PAAF1: variants seen among roughly 807,000 people sequenced by gnomAD.
PAAF1 encodes proteasomal ATPase-associated factor 1.
Under a neutral mutation model 52.8 loss-of-function variants are expected in PAAF1, and 46 were observed. That is an observed-to-expected ratio of 0.87 (90% CI 0.69 to 1.11). The LOEUF (loss-of-function observed/expected upper bound fraction) is 1.11, where lower values mean the gene tolerates loss of function less well. Ranked by LOEUF, PAAF1 falls within the 50% of genes most tolerant of loss-of-function variation. PAAF1 has a pLI of 0.00. For synonymous variants in PAAF1, 178 were observed against 172.8 expected, an observed-to-expected ratio of 1.03 and a Z score of -0.24; for missense variants, 424 against 477.4, an observed-to-expected ratio of 0.89 and a Z score of 1.04.
At position 73,911,090 on chromosome 11, in the gene PAAF1, T is replaced by C. The variant is rs1949916925; in HGVS notation, c.727+1497T>C. Among the ~76,000 whole-genome samples the C allele has an allele frequency of 2.0e-5, 3 of 150,600 alleles. No homozygotes were observed. In the Admixed American group the frequency reaches 2.0e-4, roughly 10 times the overall value. On this transcript the variant is annotated intron_variant, in intron 7 of 11. Transcript: ENST00000310571. ...TCACTATCAATATCCCCCACCAGAG[T>C]GGTACATTTATTACAGCTGATGAAC...
chr11:73,881,225 T>C (rs550970017), intron 2 of PAAF1, among the ~76,000 whole-genome samples: 2 of 152,112 alleles, frequency 1.3e-5, no homozygotes, highest in Admixed American at 6.5e-5. Flanking sequence ...AAACATCAAC[T>C]GGGGTTTATA....
intron 8 of PAAF1, among the ~76,000 whole-genome samples, 157 bp from the exon 9 acceptor site, chr11:73,916,387 GT>G (rs1950064935): frequency 6.6e-6 from 1 of 152,178 alleles, no homozygotes; most frequent in South Asian, 2.1e-4. Context: ...TTCCTTCTCA[GT>G]TTTTGGTGAA....
At chr11:73,893,052 G>C (rs575821552) in intron 4 of PAAF1, among the ~76,000 whole-genome samples, 1 of 152,320 alleles carries the variant, frequency 6.6e-6, no homozygotes, top group East Asian at 1.9e-4. Context: ...TTCTATTGAT[G>C]AGTTTACTAT....
chr11:73,922,008 T>C, intron 10 of PAAF1: 1 of 814,604 alleles, frequency 1.2e-6, no homozygotes, highest in Non-Finnish European at 2.1e-6. Context: ...GTCAGCTTCA[T>C]TCTTAACTTC....
rs760874962 is a variant in PAAF1, at chr11:73,887,458, G to A, written c.192+1G>A. On this transcript the variant is annotated splice_donor_variant, in intron 3 of 11. Transcript: ENST00000310571. LOFTEE classifies it high-confidence loss of function. ...ATTTACTGTGAATGAAATAAACAAGGTATGTTTTTATGTCTTCTAGATGGC... is the reference window on the plus strand; with the variant it reads ...ATTTACTGTGAATGAAATAAACAAGATATGTTTTTATGTCTTCTAGATGGC... The A allele has an allele frequency of 1.1e-5, 17 of 1,593,040 alleles. No homozygotes were observed. In the African/African-American group the frequency reaches 1.4e-4, roughly 13 times the overall value.
intron 2 of PAAF1, among the ~76,000 whole-genome samples, chr11:73,882,509 C>T (rs1044574031): frequency 1.3e-5 from 2 of 148,930 alleles, no homozygotes; most frequent in African/African-American, 5.0e-5. Context: ...TGCAGTGGTG[C>T]GATCTCCGCT....
intron 3 of PAAF1, 104 bp from the exon 4 acceptor site, chr11:73,891,008 A>G: frequency 1.5e-6 from 1 of 687,974 alleles, no homozygotes; most frequent in South Asian, 1.6e-5. Context: ...GTACACTGAG[A>G]AGATGAGAAT....
rs751234829 is a variant in PAAF1 at position 73,916,613 on chromosome 11, T to C, written c.888T>C (p.Ala296=). The C allele has an allele frequency of 3.7e-6, 6 of 1,614,110 alleles. No homozygotes were observed. The highest frequency in any genetic ancestry group is 5.1e-6 in the Non-Finnish European group (6 of 1,179,962). ...TTCTCTCTGGCTTCTTGCTATTGGC[T>C]GGGACTCAAGATGGAAACATTTATC... ...CTFLSGFLLL[A]GTQDGNIYQL... The change falls in exon 9 of 12, where the codon GCT becomes GCC. Residue 296 remains alanine (A), a synonymous_variant. Transcript: ENST00000310571.
intron 10 of PAAF1, chr11:73,921,946 A>G: frequency 1.0e-6 from 1 of 978,036 alleles, no homozygotes; most frequent in Admixed American, 1.8e-5. Flanking sequence ...GCACTTCTGG[A>G]GTTCCTTCAG....
chr11:73,880,805 C>T (rs1948882903), intron 2 of PAAF1: 1 of 150,820 alleles, frequency 6.6e-6, no homozygotes, highest in Non-Finnish European at 1.5e-5. Context: ...TTGAGACCAG[C>T]CTGGCTAACA....
chr11:73,917,637 C>T (rs766217915), intron 9 of PAAF1, among the ~76,000 whole-genome samples: 7 of 152,152 alleles, frequency 4.6e-5, no homozygotes, highest in South Asian at 2.1e-4. Context: ...TTTGGAAGGT[C>T]AAGGTGGGTG....
chr11:73,915,233 T>C (rs1032677944), intron 8 of PAAF1, among the ~76,000 whole-genome samples: 1 of 152,160 alleles, frequency 6.6e-6, no homozygotes, highest in Non-Finnish European at 1.5e-5. Context: ...TAGTGTGCTA[T>C]ATGTAAAATG....
At chr11:73,918,352 A>ATTTTTTTTT (rs1157984685) in intron 9 of PAAF1, among the ~76,000 whole-genome samples, 20 of 71,734 alleles carry the variant, frequency 2.8e-4, no homozygotes, top group Non-Finnish European at 3.9e-4. Flanking sequence ...CAGTTACTTA[A>ATTTTTTTTT]TTTTTTTTTT....
chr11:73,926,520 C>T (rs1179136846), intron 11 of PAAF1, among the ~76,000 whole-genome samples: 3 of 152,114 alleles, frequency 2.0e-5, no homozygotes, highest in Non-Finnish European at 4.4e-5. Flanking sequence ...CCATCCTGGC[C>T]AACACGGTGA....
intron 6 of PAAF1, among the ~76,000 whole-genome samples, chr11:73,907,309 A>G (rs756533670): frequency 4.6e-5 from 7 of 152,108 alleles, no homozygotes; most frequent in African/African-American, 1.2e-4. Context: ...GGCTGGGTAG[A>G]TAAGAATGTT....
chr11:73,918,368 T>C (rs1287235410), intron 9 of PAAF1, among the ~76,000 whole-genome samples: 1 of 143,048 alleles, frequency 7.0e-6, no homozygotes, highest in Non-Finnish European at 1.5e-5. Flanking sequence ...TTTTTTTTTT[T>C]TTTTTTTTTT....
chr11:73,926,836 T>A (rs946328525), intron 11 of PAAF1, among the ~76,000 whole-genome samples: 1 of 152,154 alleles, frequency 6.6e-6, no homozygotes, highest in Non-Finnish European at 1.5e-5. Context: ...AGCTAGTTGG[T>A]AGTAAAGCTG....
chr11:73,907,651 C>A (rs990228489), intron 6 of PAAF1, among the ~76,000 whole-genome samples: 4 of 152,184 alleles, frequency 2.6e-5, no homozygotes, highest in African/African-American at 4.8e-5. Flanking sequence ...ACCTGGTCAA[C>A]CCCACTGGGT....
chr11:73,920,003 T>G (rs1273403982), intron 10 of PAAF1, among the ~76,000 whole-genome samples: 2 of 152,006 alleles, frequency 1.3e-5, no homozygotes, highest in Non-Finnish European at 2.9e-5. Flanking sequence ...AGTGGTATTC[T>G]GGATTGGATC....
Sources: allele counts gnomAD v4.1 joint callset (sites outside exome capture counted in the v4.1 genomes callset), GRCh38; gene constraint gnomAD v4.1.1; transcripts MANE v1.5; gene names NCBI Gene and HGNC (gene_info 2026-07-23, HGNC 2026-07-21).